The following MAF variants were observed in gnomAD, a reference collection of about 807,000 sequenced individuals.
MAF encodes transcription factor Maf.
MAF carries 10 observed loss-of-function variants against 22.0 expected under a neutral mutation model. That is an observed-to-expected ratio of 0.45 (90% CI 0.28 to 0.77). MAF has a LOEUF of 0.77. Among genes scored for constraint, MAF ranks in the 30% least tolerant of loss-of-function variants. The pLI, the probability that MAF is intolerant of heterozygous loss-of-function variation, is 0.12. For synonymous variants in MAF, 337 were observed against 255.8 expected (o/e 1.32, Z -3.03); for missense variants, 544 against 548.4 (o/e 0.99, Z 0.08).
At chr16:79,523,910 T>G in the MAF span, among the ~76,000 whole-genome samples, 650 of 152,312 alleles carry the variant, frequency 4.3e-3, 1 homozygote, top group Non-Finnish European at 7.6e-3. Flanking sequence ...CTGCAAAGTT[T>G]ATTGTGGCTT....
At chr16:79,454,281 A>G in the MAF span, among the ~76,000 whole-genome samples, 1 of 152,166 alleles carries the variant, frequency 6.6e-6, no homozygotes, top group Non-Finnish European at 1.5e-5. Context: ...TAAGACAGAG[A>G]AGATGTAGAA....
chr16:79,303,942 C>T, the MAF span, among the ~76,000 whole-genome samples: 1 of 152,190 alleles, frequency 6.6e-6, no homozygotes, highest in Non-Finnish European at 1.5e-5. Flanking sequence ...GGTTGATGCA[C>T]TTCGCTCAAA....
chr16:79,587,938 A>G (rs1414071257), intron 1 of MAF, among the ~76,000 whole-genome samples: 1 of 151,082 alleles, frequency 6.6e-6, no homozygotes, highest in African/African-American at 2.4e-5. Context: ...TTCTGTGTTC[A>G]TATTACCTTC....
the MAF span, among the ~76,000 whole-genome samples, chr16:79,285,956 C>G: frequency 6.6e-6 from 1 of 152,202 alleles, no homozygotes; most frequent in Non-Finnish European, 1.5e-5. Context: ...GGGACGATGA[C>G]TCAGTACAGT....
chr16:79,297,323 G>A, the MAF span, among the ~76,000 whole-genome samples: 6 of 152,224 alleles, frequency 3.9e-5, no homozygotes, highest in East Asian at 5.8e-4. Flanking sequence ...GCAAAACGGC[G>A]GCAAATGCTT....
At chr16:79,509,444 G>A in the MAF span, among the ~76,000 whole-genome samples, 3 of 152,218 alleles carry the variant, frequency 2.0e-5, no homozygotes, top group Non-Finnish European at 4.4e-5. Flanking sequence ...AGAAGAGCTC[G>A]AATGTTTACA....
At chr16:79,386,231 T>C in the MAF span, among the ~76,000 whole-genome samples, 3 of 152,190 alleles carry the variant, frequency 2.0e-5, no homozygotes, top group Non-Finnish European at 4.4e-5. Context: ...CTGGAATATA[T>C]AATAAAACAA....
chr16:79,225,121 G>A, the MAF span, among the ~76,000 whole-genome samples: 1 of 152,112 alleles, frequency 6.6e-6, no homozygotes, highest in South Asian at 2.1e-4. Flanking sequence ...GATACTACAA[G>A]GCTACAATAA....
the MAF span, among the ~76,000 whole-genome samples, chr16:79,235,683 G>C: frequency 6.6e-6 from 1 of 152,040 alleles, no homozygotes; most frequent in Non-Finnish European, 1.5e-5. Flanking sequence ...AATTAATTTA[G>C]TTAGCAATGG....
chr16:79,418,115 A>G, the MAF span, among the ~76,000 whole-genome samples: 1 of 152,090 alleles, frequency 6.6e-6, no homozygotes, highest in Non-Finnish European at 1.5e-5. Context: ...GAAAACAGGG[A>G]CCTATCTTCA....
At chr16:79,335,077 C>G in the MAF span, among the ~76,000 whole-genome samples, 3 of 150,248 alleles carry the variant, frequency 2.0e-5, no homozygotes, top group African/African-American at 7.3e-5. Context: ...CCCAGCTACT[C>G]GGGAGGCTGA....
At chr16:79,395,357 G>C in the MAF span, among the ~76,000 whole-genome samples, 13 of 152,178 alleles carry the variant, frequency 8.5e-5, no homozygotes, top group Non-Finnish European at 1.3e-4. Context: ...ATGGAAGATA[G>C]GGGTACCAGG....
chr16:79,447,945 T>C, the MAF span, among the ~76,000 whole-genome samples: 6 of 146,060 alleles, frequency 4.1e-5, no homozygotes, highest in East Asian at 8.1e-4. Context: ...CCTGAAGATA[T>C]GACTGAATTG....
At chr16:79,527,859 T>C in the MAF span, among the ~76,000 whole-genome samples, 1 of 152,056 alleles carries the variant, frequency 6.6e-6, no homozygotes, top group Non-Finnish European at 1.5e-5. Flanking sequence ...AAGCATGGAG[T>C]GGCTTGGCAT....
chr16:79,577,702 C>T, the MAF span, among the ~76,000 whole-genome samples: 4 of 152,158 alleles, frequency 2.6e-5, no homozygotes, highest in Admixed American at 6.5e-5. Flanking sequence ...CTTTTCTGTA[C>T]ATATTTTTAA....
chr16:79,421,256 T>G, the MAF span, among the ~76,000 whole-genome samples: 1 of 152,248 alleles, frequency 6.6e-6, no homozygotes, highest in African/African-American at 2.4e-5. Flanking sequence ...CCCTTGTGGA[T>G]AAGCGCTGGC....
the MAF span, among the ~76,000 whole-genome samples, chr16:79,501,687 GA>G: frequency 6.6e-6 from 1 of 152,030 alleles, no homozygotes; most frequent in Non-Finnish European, 1.5e-5. Context: ...ATTTCCACCA[GA>G]AAAAAATTGA....
the MAF span, chr16:79,204,921 C>T: frequency 2.0e-5 from 3 of 152,246 alleles, no homozygotes; most frequent in African/African-American, 7.2e-5. Context: ...AATTCATTCT[C>T]CTCTCTTCGA....
the MAF span, among the ~76,000 whole-genome samples, chr16:79,578,278 T>A: frequency 6.6e-6 from 1 of 152,114 alleles, no homozygotes; most frequent in Non-Finnish European, 1.5e-5. Context: ...ATTGGTATGC[T>A]TTGGGGTGAG....
Sources: gnomAD v4.1 joint callset for allele counts (sites outside exome capture counted in the v4.1 genomes callset) on GRCh38, gnomAD v4.1.1 for gene constraint, MANE v1.5 for transcripts, NCBI Gene and HGNC (gene_info 2026-07-23, HGNC 2026-07-21) for gene names.